Variants in SLC25A21 observed in about 807,000 individuals in gnomAD.
SLC25A21 encodes solute carrier family 25 member 21.
A neutral mutation model predicts 43.8 loss-of-function variants in SLC25A21; 47 were observed. The observed-to-expected ratio is 1.07, with a 90% CI of 0.85 to 1.37. The LOEUF is 1.37. SLC25A21 is among the 40% of genes most tolerant of loss of function. The pLI is 0.00. For missense variants in SLC25A21, 352 were observed against 350.2 expected, an observed-to-expected ratio of 1.00 and a Z score of -0.04; for synonymous variants, 131 against 121.3, an observed-to-expected ratio of 1.08 and a Z score of -0.52.
In SLC25A21 at chr14:36,804,545, G is replaced by A. The variant is rs1290774306; in HGVS notation, c.203+9373C>T. On this transcript the variant is annotated intron_variant, in intron 3 of 9. Coordinates refer to ENST00000331299, the MANE Select transcript of SLC25A21 (RefSeq NM_030631.4). ...TCAAGGAGGTCATATACATGGACAC[G>A]TTTCACAAACGATAAAGGACCAGAA... is the stretch of plus-strand genomic sequence containing the variant. Among the ~76,000 whole-genome samples the A allele has an allele frequency of 3.9e-5, 6 of 152,108 alleles. No homozygotes were observed. The East Asian group carries it at 7.7e-4, about 20-fold the overall frequency.
chr14:37,110,288 G>C (rs1962995053), intron 1 of SLC25A21, among the ~76,000 whole-genome samples: 1 of 152,116 alleles, frequency 6.6e-6, no homozygotes, highest in Non-Finnish European at 1.5e-5. Context: ...TTGAGCACTT[G>C]CTTCATTATT....
At chr14:37,042,641 C>A (rs537571868) in intron 1 of SLC25A21, among the ~76,000 whole-genome samples, 1 of 152,138 alleles carries the variant, frequency 6.6e-6, no homozygotes, top group African/African-American at 2.4e-5. Context: ...CTTGACATTA[C>A]AAGATTCATC....
intron 5 of SLC25A21, among the ~76,000 whole-genome samples, chr14:36,727,604 C>T (rs964680928): frequency 6.6e-6 from 1 of 152,152 alleles, no homozygotes; most frequent in Non-Finnish European, 1.5e-5. Context: ...AGGAGAATCA[C>T]TGGAACCCAG....
chr14:36,970,560 T>C (rs1566780806), intron 1 of SLC25A21, among the ~76,000 whole-genome samples: 1 of 152,202 alleles, frequency 6.6e-6, no homozygotes, highest in African/African-American at 2.4e-5. Context: ...CCAGCAATGA[T>C]GAAAGAATGG....
At chr14:37,157,645 A>G (rs1272743092) in intron 1 of SLC25A21, among the ~76,000 whole-genome samples, 1 of 152,210 alleles carries the variant, frequency 6.6e-6, no homozygotes, top group Non-Finnish European at 1.5e-5. Flanking sequence ...TAGCAGAAAG[A>G]CTACAAGTTG....
chr14:36,730,271 G>A (rs1029580136), intron 4 of SLC25A21, among the ~76,000 whole-genome samples: 3 of 152,144 alleles, frequency 2.0e-5, no homozygotes, highest in South Asian at 2.1e-4. Flanking sequence ...CAATGGAGGC[G>A]AATCTAATCA....
At chr14:36,772,462 A>G (rs1332941445) in intron 3 of SLC25A21, among the ~76,000 whole-genome samples, 1 of 152,202 alleles carries the variant, frequency 6.6e-6, no homozygotes, top group Non-Finnish European at 1.5e-5. Flanking sequence ...ATGTTTTTGA[A>G]AGATTTATTC....
intron 1 of SLC25A21, among the ~76,000 whole-genome samples, chr14:36,977,866 T>C (rs933516472): frequency 1.3e-5 from 2 of 151,936 alleles, no homozygotes; most frequent in Admixed American, 1.3e-4. Context: ...ACTTTAGGAA[T>C]TCCTCTTTGG....
chr14:36,850,931 T>G (rs1039980352), intron 2 of SLC25A21, among the ~76,000 whole-genome samples: 13 of 152,206 alleles, frequency 8.5e-5, no homozygotes, highest in Admixed American at 5.9e-4. Flanking sequence ...GAGTCCTTTC[T>G]TCTACCTATT....
At chr14:36,731,004 G>C (rs938079141) in intron 4 of SLC25A21, among the ~76,000 whole-genome samples, 11 of 146,868 alleles carry the variant, frequency 7.5e-5, no homozygotes, top group Admixed American at 1.4e-4. Context: ...ATGGAGTCTC[G>C]CTCTGTCGCC....
At chr14:37,137,035 C>G (rs111399169) in intron 1 of SLC25A21, among the ~76,000 whole-genome samples, 5 of 152,268 alleles carry the variant, frequency 3.3e-5, no homozygotes, top group African/African-American at 9.6e-5. Flanking sequence ...GAGTCTCGCT[C>G]TGTCGCCCAG....
At chr14:36,924,165 C>G (rs1892063296) in intron 1 of SLC25A21, among the ~76,000 whole-genome samples, 1 of 152,080 alleles carries the variant, frequency 6.6e-6, no homozygotes, top group Admixed American at 6.6e-5. Flanking sequence ...ACCCAGCCAT[C>G]CCATTACTGG....
intron 1 of SLC25A21, among the ~76,000 whole-genome samples, chr14:36,933,392 A>T (rs1758488365): frequency 6.6e-6 from 1 of 152,134 alleles, no homozygotes; most frequent in Admixed American, 6.6e-5. Context: ...CCAGTACCAG[A>T]CAGAGACATT....
chr14:37,130,723 G>C (rs967536654), intron 1 of SLC25A21, among the ~76,000 whole-genome samples: 3 of 151,616 alleles, frequency 2.0e-5, no homozygotes, highest in African/African-American at 4.9e-5. Context: ...TTTCTCATTA[G>C]GCCCCTGGCA....
chr14:36,873,016 T>C (rs558903622), intron 2 of SLC25A21, among the ~76,000 whole-genome samples: 1 of 152,334 alleles, frequency 6.6e-6, no homozygotes, highest in South Asian at 2.1e-4. Context: ...ACCATAATTC[T>C]AATATTGTGT....
At chr14:37,081,155 T>G (rs1962379845) in intron 1 of SLC25A21, among the ~76,000 whole-genome samples, 1 of 152,192 alleles carries the variant, frequency 6.6e-6, no homozygotes, top group Non-Finnish European at 1.5e-5. Context: ...TTGTGAACTC[T>G]TCTCAACTTT....
intron 3 of SLC25A21, among the ~76,000 whole-genome samples, chr14:36,774,578 CT>C (rs572212246): frequency 6.4e-4 from 94 of 145,968 alleles, no homozygotes; most frequent in East Asian, 1.4e-3. Context: ...ATTTTAGAGA[CT>C]TTTTTTTTTT....
At chr14:36,685,730 C>T (rs938313924) in intron 7 of SLC25A21, among the ~76,000 whole-genome samples, 8 of 152,206 alleles carry the variant, frequency 5.3e-5, no homozygotes, top group African/African-American at 1.9e-4. Context: ...CCCTGCACTG[C>T]TTTCTGACAT....
At chr14:36,847,928 G>C (rs1889597682) in intron 2 of SLC25A21, among the ~76,000 whole-genome samples, 2 of 152,166 alleles carry the variant, frequency 1.3e-5, no homozygotes, top group African/African-American at 4.8e-5. Context: ...GGCTGGGCTT[G>C]AATATAGACC....
Sources: gnomAD v4.1 joint callset for allele counts (sites outside exome capture counted in the v4.1 genomes callset) on GRCh38, gnomAD v4.1.1 for gene constraint, MANE v1.5 for transcripts, NCBI Gene and HGNC (gene_info 2026-07-23, HGNC 2026-07-21) for gene names.